Variants in PCDH15 observed in about 807,000 individuals in gnomAD.
PCDH15 encodes the protein protocadherin related 15.
PCDH15 carries 129 observed loss-of-function variants against 178.5 expected under a neutral mutation model. The ratio of observed to expected loss-of-function variants is 0.72; its 90% CI spans 0.63 to 0.84. PCDH15 has a LOEUF of 0.84. Ranked by LOEUF, PCDH15 falls within the 40% of genes least tolerant of loss-of-function variation. The probability of loss-of-function intolerance (pLI) is 0.00; values close to 1 mark genes in which losing one functional copy is unlikely to be tolerated. For missense variants in PCDH15, 2,230 were observed against 2,099.9 expected (o/e 1.06, Z -1.21); for synonymous variants, 800 against 732.0 (o/e 1.09, Z -1.50).
At chr10:55,340,022 A>G (rs1350034564) in intron 2 of PCDH15, among the ~76,000 whole-genome samples, 1 of 151,678 alleles carries the variant, frequency 6.6e-6, no homozygotes, top group Non-Finnish European at 1.5e-5. Flanking sequence ...GTAGAGCATT[A>G]TACAAAAGTA....
intron 3 of PCDH15, among the ~76,000 whole-genome samples, chr10:54,526,358 G>T (rs1265058193): frequency 1.3e-5 from 2 of 152,134 alleles, no homozygotes; most frequent in Admixed American, 6.5e-5. Context: ...AAAAGAAATT[G>T]TTGATAAACC....
In PCDH15 at chr10:55,258,861, G is replaced by A. The variant is rs191727578; in HGVS notation, c.-156+60738C>T. Among the ~76,000 whole-genome samples, 125 of 147,286 alleles carry A rather than the reference G, an allele frequency of 8.5e-4. 1 individual carries two copies. The highest frequency in any genetic ancestry group is 7.6e-3 in the South Asian group (35 of 4,592). On this transcript the variant is annotated intron_variant, in intron 1 of 5. Coordinates refer to the PCDH15 transcript ENST00000458638. ...CTGAGTACCTTCTTCAACTGTAACC[G>A]CAGGGCCTCTCAAAAAGTATCAAAA...
At chr10:54,236,471 C>T (rs112288280) in intron 9 of PCDH15, among the ~76,000 whole-genome samples, 9 of 151,696 alleles carry the variant, frequency 5.9e-5, no homozygotes, top group Non-Finnish European at 1.0e-4. Flanking sequence ...AGGTAAAACA[C>T]GTGTAAAATG....
At chr10:54,210,405 G>A (rs1489239548) in intron 10 of PCDH15, among the ~76,000 whole-genome samples, 1 of 151,950 alleles carries the variant, frequency 6.6e-6, no homozygotes, top group South Asian at 2.1e-4. Context: ...AGGTGTAGGG[G>A]CATGGGATGC....
chr10:55,215,956 A>G (rs1301041759), intron 1 of PCDH15, among the ~76,000 whole-genome samples: 4 of 152,004 alleles, frequency 2.6e-5, no homozygotes, highest in African/African-American at 9.7e-5. Flanking sequence ...TAGAGAAAGC[A>G]TTAAGAAGAG....
chr10:54,787,335 TAA>T (rs1161683755), intron 1 of PCDH15, among the ~76,000 whole-genome samples: 4 of 151,940 alleles, frequency 2.6e-5, no homozygotes, highest in African/African-American at 9.7e-5. Flanking sequence ...CACAAATATA[TAA>T]AGTGTATGAT....
At chr10:55,587,160 T>C (rs879851136) in intron 2 of PCDH15, among the ~76,000 whole-genome samples, 2 of 152,116 alleles carry the variant, frequency 1.3e-5, no homozygotes, top group Non-Finnish European at 2.9e-5. Flanking sequence ...TGGTATTACA[T>C]ACATTATACA....
At chr10:54,727,442 T>A (rs1361549599) in intron 1 of PCDH15, among the ~76,000 whole-genome samples, 1 of 151,514 alleles carries the variant, frequency 6.6e-6, no homozygotes, top group Non-Finnish European at 1.5e-5. Context: ...GGGACACAGC[T>A]AAAGCAGTGT....
At chr10:54,517,205 TAAC>T (rs1469556466) in intron 3 of PCDH15, among the ~76,000 whole-genome samples, 3 of 152,130 alleles carry the variant, frequency 2.0e-5, no homozygotes, top group Admixed American at 1.3e-4. Context: ...AATTCACACA[TAAC>T]AATATTAACT....
chr10:54,963,467 T>C (rs946544167), intron 2 of PCDH15, among the ~76,000 whole-genome samples: 1 of 152,240 alleles, frequency 6.6e-6, no homozygotes, highest in Non-Finnish European at 1.5e-5. Context: ...ATTGTTTTTC[T>C]GTAGCAACTC....
chr10:53,907,258 C>T (rs2082742613), intron 25 of PCDH15: 1 of 152,126 alleles, frequency 6.6e-6, no homozygotes, highest in African/African-American at 2.4e-5. Context: ...TGCTTTTTAT[C>T]TCCTTGAGTA....
At chr10:54,246,354 T>C (rs1309478213) in intron 8 of PCDH15, among the ~76,000 whole-genome samples, 1 of 151,936 alleles carries the variant, frequency 6.6e-6, no homozygotes, top group Non-Finnish European at 1.5e-5. Flanking sequence ...AGAGATGGCC[T>C]GATTTGTAAT....
chr10:53,820,360 T>TTCTG (rs1289241625), intron 32 of PCDH15, 130 bp from the exon 33 acceptor site: 1 of 390,246 alleles, frequency 2.6e-6, no homozygotes, highest in Non-Finnish European at 4.5e-6. Flanking sequence ...ACAGATTGTT[T>TTCTG]TCTGTCTGAT....
intron 15 of PCDH15, among the ~76,000 whole-genome samples, chr10:54,131,415 T>C (rs1371126326): frequency 6.6e-6 from 1 of 152,144 alleles, no homozygotes; most frequent in Admixed American, 6.5e-5. Flanking sequence ...ATCTTATTAC[T>C]CCATTAAATG....
intron 2 of PCDH15, among the ~76,000 whole-genome samples, chr10:55,419,814 T>A (rs565131937): frequency 2.0e-3 from 308 of 151,758 alleles, no homozygotes; most frequent in African/African-American, 7.0e-3. Flanking sequence ...CTGCAAAGAT[T>A]AAAATGTATA....
At chr10:55,293,495 G>C (rs758945063) in intron 1 of PCDH15, among the ~76,000 whole-genome samples, 1 of 152,246 alleles carries the variant, frequency 6.6e-6, no homozygotes, top group East Asian at 1.9e-4. Context: ...GCATTGTTAG[G>C]CTGCAAATTT....
chr10:54,971,813 T>C (rs1333992098), intron 2 of PCDH15, among the ~76,000 whole-genome samples: 3 of 152,216 alleles, frequency 2.0e-5, no homozygotes, highest in Non-Finnish European at 4.4e-5. Context: ...CCCATACGTA[T>C]ATATAAACTC....
chr10:54,635,282 T>G, intron 2 of PCDH15, among the ~76,000 whole-genome samples: 1 of 151,794 alleles, frequency 6.6e-6, no homozygotes, highest in East Asian at 1.9e-4. Context: ...GTAAAATACA[T>G]GCTTATTTAG....
chr10:55,208,083 T>C (rs985914875), intron 1 of PCDH15, among the ~76,000 whole-genome samples: 1 of 152,142 alleles, frequency 6.6e-6, no homozygotes, highest in Non-Finnish European at 1.5e-5. Context: ...TTTCACAGTA[T>C]TCTTTTGCTT....
Sources: gnomAD v4.1 joint callset for allele counts (sites outside exome capture counted in the v4.1 genomes callset) on GRCh38, gnomAD v4.1.1 for gene constraint, MANE v1.5 for transcripts, NCBI Gene and HGNC (gene_info 2026-07-23, HGNC 2026-07-21) for gene names.